AUTS2: variants seen among roughly 807,000 people sequenced by gnomAD.
The protein encoded by AUTS2 is autism susceptibility gene 2 protein.
In AUTS2, 17 loss-of-function variants were observed where a neutral mutation model predicts 112.4. The observed-to-expected ratio is 0.15, with a 90% CI of 0.10 to 0.23. AUTS2 has a LOEUF of 0.23. Ranked by LOEUF, AUTS2 falls within the 10% of genes least tolerant of loss-of-function variation. The pLI is 1.00. For synonymous variants in AUTS2, 751 were observed against 702.7 expected (o/e 1.07, Z -1.09); for missense variants, 1,510 against 1,701.6 (o/e 0.89, Z 1.98).
intron 2 of AUTS2, among the ~76,000 whole-genome samples, chr7:69,916,764 A>T (rs1042433004): frequency 1.3e-5 from 2 of 151,998 alleles, no homozygotes; most frequent in Non-Finnish European, 2.9e-5. Flanking sequence ...TCTCTCTTCA[A>T]TGTTTTCTAT....
At chr7:70,472,355 T>G (rs1262332518) in intron 5 of AUTS2, among the ~76,000 whole-genome samples, 2 of 140,506 alleles carry the variant, frequency 1.4e-5, no homozygotes, top group African/African-American at 5.4e-5. Flanking sequence ...TTGGGGCTTC[T>G]GTTTTGGGGT....
chr7:70,427,323 A>G (rs1166370240), intron 4 of AUTS2, among the ~76,000 whole-genome samples: 1 of 152,190 alleles, frequency 6.6e-6, no homozygotes. Flanking sequence ...TTTGGACAAG[A>G]TACTTATTTT....
chr7:70,528,423 A>G (rs796180702), intron 5 of AUTS2, among the ~76,000 whole-genome samples: 8 of 152,336 alleles, frequency 5.3e-5, no homozygotes, highest in African/African-American at 1.9e-4. Context: ...AGGTAAGAGC[A>G]TGAAGTATGT....
intron 1 of AUTS2, among the ~76,000 whole-genome samples, chr7:69,862,734 G>T (rs1329610968): frequency 6.6e-6 from 1 of 152,062 alleles, no homozygotes; most frequent in African/African-American, 2.4e-5. Context: ...CATTGGAGGC[G>T]AGCTACAACC....
intron 2 of AUTS2, among the ~76,000 whole-genome samples, chr7:69,908,526 G>C (rs995678418): frequency 2.6e-5 from 4 of 152,216 alleles, no homozygotes; most frequent in Non-Finnish European, 4.4e-5. Flanking sequence ...GGCAAGTCCT[G>C]TGGGGGACCA....
chr7:70,560,788 T>G (rs992319571), intron 5 of AUTS2, among the ~76,000 whole-genome samples: 4 of 152,254 alleles, frequency 2.6e-5, no homozygotes, highest in Non-Finnish European at 4.4e-5. Flanking sequence ...ACTTCTAATT[T>G]TGTCCTCTGA....
At chr7:70,141,070 A>G (rs1385386236) in intron 4 of AUTS2, among the ~76,000 whole-genome samples, 1 of 152,210 alleles carries the variant, frequency 6.6e-6, no homozygotes, top group Non-Finnish European at 1.5e-5. Context: ...AGCAGGCTTA[A>G]ATTGTGCAGA....
At chr7:69,827,741 G>A (rs896749381) in intron 1 of AUTS2, among the ~76,000 whole-genome samples, 1 of 152,142 alleles carries the variant, frequency 6.6e-6, no homozygotes, top group Non-Finnish European at 1.5e-5. Flanking sequence ...ATGAGAGAAG[G>A]GTTGTTCTGT....
chr7:70,371,538 A>G (rs922994431), intron 4 of AUTS2, among the ~76,000 whole-genome samples: 3 of 152,106 alleles, frequency 2.0e-5, no homozygotes, highest in Admixed American at 6.5e-5. Flanking sequence ...TCAATTAACT[A>G]TTTCTCCCCA....
intron 5 of AUTS2, among the ~76,000 whole-genome samples, chr7:70,661,164 G>A (rs759992533): frequency 6.6e-6 from 1 of 151,734 alleles, no homozygotes; most frequent in Non-Finnish European, 1.5e-5. Flanking sequence ...CCTGACAGGA[G>A]AAAGAAGACC....
At chr7:70,529,881 T>G (rs1800008244) in intron 5 of AUTS2, among the ~76,000 whole-genome samples, 1 of 152,172 alleles carries the variant, frequency 6.6e-6, no homozygotes, top group Non-Finnish European at 1.5e-5. Flanking sequence ...TAAGTAAATA[T>G]CAGAAAGGAT....
chr7:69,890,505 A>C (rs1352250069), intron 1 of AUTS2, among the ~76,000 whole-genome samples: 1 of 152,156 alleles, frequency 6.6e-6, no homozygotes, highest in Non-Finnish European at 1.5e-5. Flanking sequence ...TGTTTTAATA[A>C]ACTGCCTCAA....
intron 4 of AUTS2, among the ~76,000 whole-genome samples, chr7:70,254,420 C>G (rs981393376): frequency 1.1e-4 from 17 of 151,820 alleles, no homozygotes; most frequent in Admixed American, 1.3e-4. Flanking sequence ...CTACAAATAC[C>G]TACAAAGACC....
At chr7:69,728,247 C>T (rs1245943627) in intron 1 of AUTS2, among the ~76,000 whole-genome samples, 2 of 152,230 alleles carry the variant, frequency 1.3e-5, no homozygotes, top group Non-Finnish European at 2.9e-5. Flanking sequence ...ATTGCTGAGG[C>T]GCTGCCTTGT....
At chr7:70,585,555 G>A (rs890141697) in intron 5 of AUTS2, among the ~76,000 whole-genome samples, 33 of 152,174 alleles carry the variant, frequency 2.2e-4, no homozygotes, top group Admixed American at 5.9e-4. Context: ...TACAGATCGC[G>A]TATATTAACA....
chr7:70,355,044 ATGTG>A (rs757470657), intron 4 of AUTS2, among the ~76,000 whole-genome samples: 4 of 132,038 alleles, frequency 3.0e-5, no homozygotes, highest in East Asian at 2.3e-4. Context: ...GTGTGTATGT[ATGTG>A]TGTGTGTGTA....
At chr7:70,118,060 C>CAAGGAT in intron 2 of AUTS2, 72 bp from the exon 3 acceptor site, 1 of 1,501,180 alleles carries the variant, frequency 6.7e-7, no homozygotes, top group African/African-American at 1.4e-5. Flanking sequence ...TCACTCTTGA[C>CAAGGAT]AAGGATCAAA....
At chr7:70,114,583 G>A (rs2129571994) in intron 2 of AUTS2, among the ~76,000 whole-genome samples, 1 of 152,074 alleles carries the variant, frequency 6.6e-6, no homozygotes, top group Admixed American at 6.5e-5. Context: ...ACCTGAGGTT[G>A]GGGGTTTGAA....
At chr7:69,925,206 C>T (rs1222549943) in intron 2 of AUTS2, among the ~76,000 whole-genome samples, 1 of 152,048 alleles carries the variant, frequency 6.6e-6, no homozygotes, top group Non-Finnish European at 1.5e-5. Context: ...TTTTATTGAT[C>T]TTCTTGAAGA....
Sources: allele counts gnomAD v4.1 joint callset (sites outside exome capture counted in the v4.1 genomes callset), GRCh38; gene constraint gnomAD v4.1.1; transcripts MANE v1.5; gene names NCBI Gene and HGNC (gene_info 2026-07-23, HGNC 2026-07-21).